The following HACD4 variants were observed in gnomAD, a reference collection of about 807,000 sequenced individuals.
HACD4 encodes very-long-chain (3R)-3-hydroxyacyl-CoA dehydratase 4.
A neutral mutation model predicts 33.3 loss-of-function variants in HACD4; 35 were observed. That is an observed-to-expected ratio of 1.05 (90% CI 0.80 to 1.39). HACD4 has a LOEUF of 1.39. Among genes scored for constraint, HACD4 ranks in the 40% most tolerant of loss-of-function variants. The pLI, the probability that HACD4 is intolerant of heterozygous loss-of-function variation, is 0.00. For synonymous variants in HACD4, 118 were observed against 98.0 expected, an observed-to-expected ratio of 1.20 and a Z score of -1.21; for missense variants, 323 against 276.5, an observed-to-expected ratio of 1.17 and a Z score of -1.19.
Position 21,005,671 on chromosome 9 carries a change from C to A in HACD4, c.*1366G>T, listed in dbSNP as rs747530784. On this transcript the variant is annotated 3_prime_UTR_variant, in exon 7 of 7. Coordinates refer to ENST00000495827, the MANE Select transcript of HACD4 (RefSeq NM_001010915.5). This position sits in a 1 kb window ranked among gnomAD's most constrained non-coding sequence, Gnocchi z 4.0. ...CAGTCATTGCCTTGGTTTCAACAGG[C>A]CTGACAGCTTCCGCCTGGTGATATG... 1.1e-4 allele frequency: 17 copies of A among 152,256 alleles called. No homozygotes were observed. Among genetic ancestry groups the A allele is most frequent in the Non-Finnish European group, 2.5e-4 (17 of 68,096 alleles). 9.4% of individuals were successfully genotyped at this position (152,256 alleles called of 1,614,324 possible).
At chr9:21,029,044 T>C (rs1436534454) in intron 2 of HACD4, among the ~76,000 whole-genome samples, 2 of 152,202 alleles carry the variant, frequency 1.3e-5, no homozygotes, top group African/African-American at 4.8e-5. Flanking sequence ...AATGAAATGA[T>C]ACCACCTCAG....
rs181597394 is a variant in HACD4, at chr9:21,000,866, T to C, written c.*6171A>G. On this transcript the variant is annotated 3_prime_UTR_variant, in exon 7 of 7. Coordinates refer to ENST00000495827, the MANE Select transcript of HACD4 (RefSeq NM_001010915.5). ...TTTCTTTGGGGAAATATTTTGGACA[T>C]TGAGATTGTATCTATTTGTACTTCT... 1 of 152,280 alleles carries C rather than the reference T, an allele frequency of 6.6e-6. No homozygotes were observed. The highest frequency in any genetic ancestry group is 2.4e-5 in the African/African-American group (1 of 41,582). 9.4% of individuals were successfully genotyped at this position (152,280 alleles called of 1,614,324 possible).
At chr9:21,008,866 T>C (rs1290755529) in intron 5 of HACD4, among the ~76,000 whole-genome samples, 1 of 152,152 alleles carries the variant, frequency 6.6e-6, no homozygotes, top group Non-Finnish European at 1.5e-5. Flanking sequence ...TGGTGCACTA[T>C]TTTTGCAATT....
Position 20,999,554 on chromosome 9 carries a change from A to G in HACD4, c.*7483T>C, listed in dbSNP as rs1842135647. The G allele has an allele frequency of 1.3e-5, 2 of 150,738 alleles. No homozygotes were observed. Among genetic ancestry groups the G allele is most frequent in the South Asian group, 2.1e-4 (1 of 4,818 alleles). The allele number at this position is 150,738 out of a possible 1,614,324, so 9.3% of individuals were successfully genotyped here. ...GGAAGTTTATTAAGAAATTGTTCTT[A>G]ACAATTAAAATATTCTAGAAGTAGC... On this transcript the variant is annotated 3_prime_UTR_variant, in exon 7 of 7. Coordinates refer to ENST00000495827, the MANE Select transcript of HACD4 (RefSeq NM_001010915.5).
At position 21,006,613 on chromosome 9, in the gene HACD4, T is replaced by C; in HGVS notation, c.*424A>G. 8.9e-6 allele frequency: 2 copies of C among 224,066 alleles called. No homozygotes were observed. The highest frequency in any genetic ancestry group is 1.2e-4 in the South Asian group (2 of 16,314). 13.9% of individuals were successfully genotyped at this position (224,066 alleles called of 1,614,324 possible). On this transcript the variant is annotated 3_prime_UTR_variant, in exon 7 of 7. Coordinates refer to ENST00000495827, the MANE Select transcript of HACD4 (RefSeq NM_001010915.5). This position sits in a 1 kb window ranked among gnomAD's most constrained non-coding sequence, Gnocchi z 4.6. ...TTATTCTAGGCAACTGTGGAATATATTTTCCATCCCTCTTCTCCTACAGAT... is the reference window on the plus strand; with the variant it reads ...TTATTCTAGGCAACTGTGGAATATACTTTCCATCCCTCTTCTCCTACAGAT...
intron 5 of HACD4, among the ~76,000 whole-genome samples, chr9:21,009,088 T>C (rs1474541857): frequency 2.0e-5 from 3 of 152,202 alleles, no homozygotes; most frequent in Non-Finnish European, 2.9e-5. Context: ...TTTTGTTATT[T>C]ACATAAGCTT....
intron 3 of HACD4, among the ~76,000 whole-genome samples, chr9:21,019,869 ATTAT>A (rs10585067): frequency 0.6 from 91,664 of 151,526 alleles, 28,348 homozygotes; most frequent in South Asian, 0.69. Flanking sequence ...GGAAAGTCAG[ATTAT>A]TTAGTCTAGC....
In HACD4 at chr9:21,006,512, T is replaced by A. The variant is rs1842272911; in HGVS notation, c.*525A>T. The A allele has an allele frequency of 6.1e-6, 1 of 164,576 alleles. No homozygotes were observed. Among genetic ancestry groups the A allele is most frequent in the Non-Finnish European group, 1.3e-5 (1 of 77,268 alleles). The allele number at this position is 164,576 out of a possible 1,614,324, so 10.2% of individuals were successfully genotyped here. A position where few individuals can be genotyped will look rare whatever the true frequency, so the allele number is the denominator to read the frequency against. ...TAAGACATAGGGCTTGGAAAGATAT[T>A]TAATTTTCTAAACATATCTAATGTT... is the stretch of plus-strand genomic sequence containing the variant. On this transcript the variant is annotated 3_prime_UTR_variant, in exon 7 of 7. Coordinates refer to ENST00000495827, the MANE Select transcript of HACD4 (RefSeq NM_001010915.5). This position sits in a 1 kb window ranked among gnomAD's most constrained non-coding sequence, Gnocchi z 4.6.
intron 1 of HACD4, among the ~76,000 whole-genome samples, chr9:21,029,655 T>C (rs1332978924): frequency 6.6e-6 from 1 of 152,140 alleles, no homozygotes; most frequent in Admixed American, 6.5e-5. Flanking sequence ...GCTGAAAATA[T>C]CATAAACTGA....
intron 2 of HACD4, among the ~76,000 whole-genome samples, chr9:21,028,401 T>C (rs974192575): frequency 6.6e-6 from 1 of 152,186 alleles, no homozygotes; most frequent in African/African-American, 2.4e-5. Flanking sequence ...CATTTGTAGT[T>C]GAAACTCAAG....
At chr9:21,022,950 A>G (rs947652770) in intron 3 of HACD4, among the ~76,000 whole-genome samples, 5 of 152,088 alleles carry the variant, frequency 3.3e-5, no homozygotes, top group African/African-American at 1.2e-4. Context: ...TCACAATAGC[A>G]AAGACTTGGA....
chr9:21,013,463 TC>T lies in HACD4; in HGVS notation c.384-1769del, dbSNP rs1301162240. Among the ~76,000 whole-genome samples the T allele has an allele frequency of 1.4e-4, 21 of 152,338 alleles. No homozygotes were observed. The East Asian group carries it at 4.0e-3, about 29-fold the overall frequency. ...AGATTGAGTCCTTCAACTACATTCT[TC>T]TAAGATTGTTTTGGCTATTCTGAGT... On this transcript the variant is annotated intron_variant, in intron 4 of 6. Transcript: ENST00000495827.
rs773455075 is a variant in HACD4 at position 21,001,967 on chromosome 9, T to A, written c.*5070A>T. ...TCAGTAAAGAAAAATACATGGGCAA[T>A]TATAAAATCTAGTACTTTTGTAACA... On this transcript the variant is annotated 3_prime_UTR_variant, in exon 7 of 7. Coordinates refer to ENST00000495827, the MANE Select transcript of HACD4 (RefSeq NM_001010915.5). 6.6e-6 allele frequency: 1 copy of A among 152,116 alleles called. No individual in the cohort carries two copies. Among genetic ancestry groups the A allele is most frequent in the Non-Finnish European group, 1.5e-5 (1 of 67,974 alleles). The allele number at this position is 152,116 out of a possible 1,614,324, so 9.4% of individuals were successfully genotyped here.
intron 4 of HACD4, chr9:21,015,559 G>C (rs1408242039): frequency 5.8e-6 from 1 of 171,010 alleles, no homozygotes; most frequent in Non-Finnish European, 1.2e-5. Context: ...TACAATAAAA[G>C]ACCTGCTTTG....
chr9:21,024,212 T>C (rs1260964415), intron 3 of HACD4, among the ~76,000 whole-genome samples: 1 of 152,188 alleles, frequency 6.6e-6, no homozygotes, highest in East Asian at 1.9e-4. Flanking sequence ...GGATGATAAA[T>C]TAATAAAAGA....
chr9:21,026,886 C>T, intron 2 of HACD4, 163 bp from the exon 3 acceptor site: 1 of 588,470 alleles, frequency 1.7e-6, no homozygotes, highest in Non-Finnish European at 3.0e-6. Context: ...CAATACAATG[C>T]AAACAAACAA....
chr9:21,007,854 A>G (rs959817421), intron 6 of HACD4, among the ~76,000 whole-genome samples, 167 bp downstream of exon 6: 1 of 152,174 alleles, frequency 6.6e-6, no homozygotes, highest in Non-Finnish European at 1.5e-5. Flanking sequence ...ATGCCCTGCA[A>G]AAAGCATTAT....
rs1289818126 is a variant in HACD4, at chr9:21,026,457, C to T, written c.270+139G>A. On this transcript the variant is annotated intron_variant, in intron 3 of 6. Transcript: ENST00000495827. Reference sequence around the variant, plus strand: ...TGGGCAGTTTTACAATAAGGTTGTCCTTCCATGAAATTAATTCTCCTTATC... The same window carrying T: ...TGGGCAGTTTTACAATAAGGTTGTCTTTCCATGAAATTAATTCTCCTTATC... 4.4e-6 allele frequency: 3 copies of T among 688,670 alleles called. No individual in the cohort carries two copies. In the East Asian group the frequency reaches 7.9e-5, roughly 18 times the overall value. 42.7% of individuals were successfully genotyped at this position (688,670 alleles called of 1,614,324 possible). A position where few individuals can be genotyped will look rare whatever the true frequency, so the allele number is the denominator to read the frequency against.
Position 21,006,848 on chromosome 9 carries a change from G to T in HACD4, c.*189C>A. Reference sequence around the variant, plus strand: ...GAAGCAGGGTATGGAGAATATATATGTCTTAAAAATACAATGTGTGAAAAA... The same window carrying T: ...GAAGCAGGGTATGGAGAATATATATTTCTTAAAAATACAATGTGTGAAAAA... On this transcript the variant is annotated 3_prime_UTR_variant, in exon 7 of 7. Transcript: ENST00000495827. This position sits in a 1 kb window ranked among gnomAD's most constrained non-coding sequence, Gnocchi z 4.6. The T allele has an allele frequency of 3.4e-6, 2 of 588,848 alleles. No homozygotes were observed. The highest frequency in any genetic ancestry group is 3.0e-5 in the Admixed American group (1 of 33,490). 36.5% of individuals were successfully genotyped at this position (588,848 alleles called of 1,614,324 possible).
Sources: allele counts gnomAD v4.1 joint callset (sites outside exome capture counted in the v4.1 genomes callset), GRCh38; gene constraint gnomAD v4.1.1; non-coding constraint Gnocchi (gnomAD v3.1); transcripts MANE v1.5; gene names NCBI Gene and HGNC (gene_info 2026-07-23, HGNC 2026-07-21).